Variants in CD99L2 observed in about 807,000 individuals in gnomAD.
CD99L2 encodes the protein CD99 molecule like 2, also known as CD99 antigen-like protein 2.
Under a neutral mutation model 27.3 loss-of-function variants are expected in CD99L2, and 24 were observed. The ratio of observed to expected loss-of-function variants is 0.88; its 90% CI spans 0.64 to 1.24. The LOEUF (loss-of-function observed/expected upper bound fraction) is 1.24, where lower values mean the gene tolerates loss of function less well. CD99L2 is among the 50% of genes most tolerant of loss of function. The pLI is 0.00. For missense variants in CD99L2, 255 were observed against 221.6 expected (o/e 1.15, Z -0.96); for synonymous variants, 97 against 87.9 (o/e 1.10, Z -0.58).
chrX:150,787,827 T>A (rs1286011011), intron 7 of CD99L2, among the ~76,000 whole-genome samples: 2 of 99,257 alleles, frequency 2.0e-5, no homozygotes, highest in East Asian at 6.4e-4. Flanking sequence ...CAAACCAACA[T>A]GGCACATGTA....
intron 1 of CD99L2, among the ~76,000 whole-genome samples, chrX:150,863,642 C>G (rs1255498783): frequency 1.8e-5 from 2 of 112,059 alleles, no homozygotes; most frequent in African/African-American, 6.5e-5. Flanking sequence ...GCAGTGAAAT[C>G]TGCCTGTATC....
At chrX:150,889,399 C>T (rs141450766) in intron 1 of CD99L2, among the ~76,000 whole-genome samples, 1,421 of 111,495 alleles carry the variant, frequency 0.013, 14 homozygotes, top group Middle Eastern at 0.037. Flanking sequence ...TTTTTTCCCC[C>T]ACATTGCCCT....
intron 7 of CD99L2, among the ~76,000 whole-genome samples, chrX:150,783,401 C>G (rs1358281715): frequency 3.6e-5 from 4 of 111,189 alleles, no homozygotes; most frequent in Non-Finnish European, 7.5e-5. Context: ...CAGTACCGTC[C>G]CCTTTAACCC....
Position 150,831,262 on chromosome X carries a change from C to T in CD99L2, c.99G>A (p.Glu33=), listed in dbSNP as rs1557421054. The change falls in exon 2 of 11, where the codon GAG becomes GAA. Residue 33 remains glutamate (E), a synonymous_variant. Transcript: ENST00000370377. Reference sequence around the variant, plus strand: ...CTGAGGAAGTTTCTTTCACTGCATCCTCCAGGTTAAAATCATCAAAGTCCC... The same window carrying T: ...CTGAGGAAGTTTCTTTCACTGCATCTTCCAGGTTAAAATCATCAAAGTCCC... The part of the protein sequence containing the change: ...GSGDFDDFNL[E]DAVKETSSVK... 1 of 1,204,286 alleles carries T rather than the reference C, an allele frequency of 8.3e-7. No homozygotes were observed. The highest frequency in any genetic ancestry group is 2.2e-5 in the Admixed American group (1 of 45,457).
intron 4 of CD99L2, among the ~76,000 whole-genome samples, chrX:150,798,425 C>T (rs1255519932): frequency 5.4e-5 from 6 of 110,599 alleles, no homozygotes; most frequent in African/African-American, 2.0e-4. Context: ...CAAGACCATT[C>T]GATCGGGGAA....
intron 7 of CD99L2, among the ~76,000 whole-genome samples, chrX:150,783,041 G>A (rs2045537113): frequency 9.2e-6 from 1 of 108,907 alleles, no homozygotes; most frequent in South Asian, 4.1e-4. Context: ...AAAAAGGAAG[G>A]AAATGCTGGT....
chrX:150,778,279 G>A (rs2045438127), intron 7 of CD99L2, among the ~76,000 whole-genome samples: 2 of 110,646 alleles, frequency 1.8e-5, no homozygotes, highest in African/African-American at 6.6e-5. Flanking sequence ...CACCGTTCAT[G>A]CCACCCTCTT....
intron 9 of CD99L2, 117 bp from the exon 10 acceptor site, chrX:150,770,486 G>T (rs1455165254): frequency 3.2e-6 from 2 of 620,793 alleles, no homozygotes; most frequent in Admixed American, 5.8e-5. Flanking sequence ...GCTCCCCTGG[G>T]GAACTCAAAA....
At chrX:150,868,927 T>A (rs1383633486) in intron 1 of CD99L2, among the ~76,000 whole-genome samples, 2 of 112,470 alleles carry the variant, frequency 1.8e-5, no homozygotes, top group Admixed American at 9.4e-5. Context: ...TAAACAAAGA[T>A]GACTATGATG....
intron 4 of CD99L2, 36 bp from the exon 5 acceptor site, chrX:150,795,522 T>C (rs975167059): frequency 1.7e-6 from 2 of 1,179,131 alleles, no homozygotes; most frequent in Non-Finnish European, 2.3e-6. Flanking sequence ...AGGGAGCACA[T>C]TTAGGAACAA....
chrX:150,791,501 G>T (rs73609530), intron 7 of CD99L2, among the ~76,000 whole-genome samples: 137 of 111,405 alleles, frequency 1.2e-3, no homozygotes, highest in African/African-American at 4.4e-3. Flanking sequence ...AGGAGAAGGT[G>T]ATCATCAAAG....
chrX:150,867,892 C>CT (rs1652135002), intron 1 of CD99L2, among the ~76,000 whole-genome samples: 10 of 19,227 alleles, frequency 5.2e-4, no homozygotes, highest in Admixed American at 1.1e-3. Context: ...GACTCTGTCT[C>CT]AAAAAAAAAA....
At chrX:150,797,698 C>T (rs1044128083) in intron 4 of CD99L2, among the ~76,000 whole-genome samples, 3 of 111,768 alleles carry the variant, frequency 2.7e-5, no homozygotes, top group African/African-American at 6.5e-5. Flanking sequence ...TATCACAACA[C>T]GTGTGGTACT....
intron 4 of CD99L2, among the ~76,000 whole-genome samples, chrX:150,809,422 C>T (rs1363167584): frequency 8.9e-6 from 1 of 112,338 alleles, no homozygotes; most frequent in Non-Finnish European, 1.9e-5. Flanking sequence ...ATGAATACTA[C>T]TTTAACTTGC....
At chrX:150,879,629 C>T (rs2047289158) in intron 1 of CD99L2, among the ~76,000 whole-genome samples, 1 of 107,666 alleles carries the variant, frequency 9.3e-6, no homozygotes, top group Non-Finnish European at 1.9e-5. Flanking sequence ...ATGCCCAAGC[C>T]AGGTGTGGTG....
At chrX:150,862,653 C>T (rs1211099805) in intron 1 of CD99L2, among the ~76,000 whole-genome samples, 1 of 111,760 alleles carries the variant, frequency 8.9e-6, no homozygotes, top group African/African-American at 3.3e-5. Flanking sequence ...TGGTCCCTTT[C>T]TTCTATGTAT....
At chrX:150,776,318 A>G in intron 8 of CD99L2, 25 bp from the exon 9 acceptor site, 3 of 1,180,473 alleles carry the variant, frequency 2.5e-6, no homozygotes, top group Non-Finnish European at 3.4e-6. Context: ...GGGAGAAATG[A>G]GGACAGGTGA....
intron 4 of CD99L2, among the ~76,000 whole-genome samples, chrX:150,800,499 G>A (rs2045887488): frequency 9.0e-6 from 1 of 111,364 alleles, no homozygotes. Context: ...ATTGTATTAG[G>A]TATTATAAGT....
intron 2 of CD99L2, chrX:150,819,064 C>T (rs1314350251): frequency 6.3e-6 from 2 of 316,091 alleles, no homozygotes; most frequent in South Asian, 3.2e-5. Flanking sequence ...AAATGGTAGA[C>T]CGAATACAAA....
Sources: allele counts gnomAD v4.1 joint callset (sites outside exome capture counted in the v4.1 genomes callset), GRCh38; gene constraint gnomAD v4.1.1; transcripts MANE v1.5; gene names NCBI Gene and HGNC (gene_info 2026-07-23, HGNC 2026-07-21).